Variants in P2RY14 observed in about 807,000 individuals in gnomAD.
The protein encoded by P2RY14 is purinergic receptor P2Y14.
A neutral mutation model predicts 0.9 loss-of-function variants in P2RY14; 2 were observed. The observed-to-expected ratio is 2.16, with a 90% CI of 0.88 to 6.79. The LOEUF is 6.79. Ranked by LOEUF, P2RY14 falls within the 30% of genes most tolerant of loss-of-function variation. P2RY14 has a pLI of 0.05. For synonymous variants in P2RY14, 158 were observed against 147.2 expected (o/e 1.07, Z -0.53); for missense variants, 378 against 400.1 (o/e 0.94, Z 0.47).
At chr3:151,225,848 T>A (rs1450652779) in intron 1 of P2RY14, among the ~76,000 whole-genome samples, 2 of 152,250 alleles carry the variant, frequency 1.3e-5, no homozygotes, top group Non-Finnish European at 2.9e-5. Flanking sequence ...TGTCTTTTTC[T>A]CAGTTATTCT....
In P2RY14 at chr3:151,213,979, C is replaced by A; in HGVS notation, c.338G>T (p.Gly113Val). The A allele has an allele frequency of 6.2e-7, 1 of 1,613,972 alleles. No individual in the cohort carries two copies. Among genetic ancestry groups the A allele is most frequent in the Non-Finnish European group, 8.5e-7 (1 of 1,179,964 alleles). ...VNMYVSIVFF[G>V]LISFDRYYKI... ...ATAATATCTGTCAAAGCTGATGAGC[C>A]CAAAGAACACAATGCTGACGTACAT... The change falls in exon 3 of 3, where the codon GGG (glycine) becomes GTG (valine). Residue 113 changes from glycine (G) to valine (V), a missense_variant. Physicochemically the swap from Gly to Val is moderately radical, Grantham distance 109. Coordinates refer to ENST00000309170, the MANE Select transcript of P2RY14 (RefSeq NM_014879.4).
chr3:151,265,649 G>A (rs551920966), intron 1 of P2RY14, among the ~76,000 whole-genome samples: 40 of 152,286 alleles, frequency 2.6e-4, no homozygotes, highest in African/African-American at 8.9e-4. Context: ...GGAGGAATCT[G>A]AGTAGGTTTT....
chr3:151,224,308 T>C (rs1382105679), intron 1 of P2RY14, among the ~76,000 whole-genome samples: 3 of 152,220 alleles, frequency 2.0e-5, no homozygotes, highest in Non-Finnish European at 4.4e-5. Context: ...GATCTTTTTC[T>C]ATGAGATAAA....
rs1577100845 is a variant in P2RY14 at position 151,245,638 on chromosome 3, C to T, written c.-132-25996G>A. On this transcript the variant is annotated intron_variant, in intron 1 of 2. Coordinates refer to ENST00000309170, the MANE Select transcript of P2RY14 (RefSeq NM_014879.4). ...TGTATTTCAAAATAATAAGAGCTAT[C>T]TATGACAAACCCACAGCCAATATCA... Among the ~76,000 whole-genome samples the T allele has an allele frequency of 2.7e-5, 4 of 146,180 alleles. No individual in the cohort carries two copies. The South Asian group carries it at 6.9e-4, about 25-fold the overall frequency.
chr3:151,222,989 T>C (rs1729686783), intron 1 of P2RY14, among the ~76,000 whole-genome samples: 2 of 152,116 alleles, frequency 1.3e-5, no homozygotes, highest in Admixed American at 1.3e-4. Flanking sequence ...ATTTGAGAGG[T>C]GGCGATTGTG....
chr3:151,241,774 G>A (rs1334328857), intron 1 of P2RY14: 1 of 152,684 alleles, frequency 6.5e-6, no homozygotes, highest in African/African-American at 2.4e-5. Flanking sequence ...AATGAATTAG[G>A]GGAGGAGCCA....
At chr3:151,230,472 A>G (rs1490837287) in intron 1 of P2RY14, among the ~76,000 whole-genome samples, 1 of 152,162 alleles carries the variant, frequency 6.6e-6, no homozygotes, top group East Asian at 1.9e-4. Flanking sequence ...AAATTCTGAT[A>G]AACACTCCTT....
At chr3:151,246,935 C>G (rs1217858335) in intron 1 of P2RY14, among the ~76,000 whole-genome samples, 1 of 152,078 alleles carries the variant, frequency 6.6e-6, no homozygotes, top group African/African-American at 2.4e-5. Flanking sequence ...AAAAAACAAA[C>G]AACCCCATCA....
chr3:151,246,331 G>C (rs1735462812), intron 1 of P2RY14, among the ~76,000 whole-genome samples: 1 of 152,042 alleles, frequency 6.6e-6, no homozygotes, highest in African/African-American at 2.4e-5. Flanking sequence ...TAAGCCAAAA[G>C]AACAAAGCTG....
intron 1 of P2RY14, among the ~76,000 whole-genome samples, chr3:151,223,379 A>G (rs1729800441): frequency 6.6e-6 from 1 of 152,178 alleles, no homozygotes; most frequent in African/African-American, 2.4e-5. Context: ...TACCAAAAAG[A>G]CACCTTCATT....
At chr3:151,265,316 C>G (rs1229143401) in intron 1 of P2RY14, among the ~76,000 whole-genome samples, 1 of 152,050 alleles carries the variant, frequency 6.6e-6, no homozygotes. Flanking sequence ...TTAAAGAGAT[C>G]AGGAAAATAA....
intron 1 of P2RY14, among the ~76,000 whole-genome samples, chr3:151,236,316 A>G (rs916434286): frequency 3.9e-5 from 6 of 152,246 alleles, no homozygotes; most frequent in East Asian, 1.9e-4. Flanking sequence ...TGCCACTTCA[A>G]TGTGCATAGT....
At chr3:151,240,014 G>C (rs1733750849) in intron 1 of P2RY14, among the ~76,000 whole-genome samples, 1 of 146,820 alleles carries the variant, frequency 6.8e-6, no homozygotes, top group Admixed American at 7.0e-5. Flanking sequence ...CAAACAGGAA[G>C]TAATCCTGAT....
At chr3:151,242,275 G>A (rs1201390054) in intron 1 of P2RY14, among the ~76,000 whole-genome samples, 3 of 152,250 alleles carry the variant, frequency 2.0e-5, no homozygotes, top group Admixed American at 1.3e-4. Context: ...GCCCACCACA[G>A]CTCAAGGAGG....
intron 1 of P2RY14, among the ~76,000 whole-genome samples, chr3:151,251,213 C>G (rs1736786699): frequency 6.6e-6 from 1 of 152,166 alleles, no homozygotes; most frequent in Non-Finnish European, 1.5e-5. Flanking sequence ...CCTTGCACCT[C>G]TGTACACTGT....
chr3:151,219,986 G>C (rs1251229908), intron 1 of P2RY14, among the ~76,000 whole-genome samples: 6 of 146,320 alleles, frequency 4.1e-5, no homozygotes, highest in Non-Finnish European at 7.4e-5. Context: ...AAGTCTAATT[G>C]CAGGTGGATT....
chr3:151,222,223 A>G (rs889157666), intron 1 of P2RY14, among the ~76,000 whole-genome samples: 1 of 152,240 alleles, frequency 6.6e-6, no homozygotes, highest in Non-Finnish European at 1.5e-5. Flanking sequence ...TTACAGGCTC[A>G]TAGGCGGAAG....
chr3:151,224,446 C>CT (rs80099332), intron 1 of P2RY14, among the ~76,000 whole-genome samples: 2,683 of 143,130 alleles, frequency 0.019, 38 homozygotes, highest in African/African-American at 0.034. Context: ...ATGTTTAACA[C>CT]TTTTTTTTTT....
chr3:151,238,285 T>A (rs1733348097), intron 1 of P2RY14, among the ~76,000 whole-genome samples: 1 of 152,218 alleles, frequency 6.6e-6, no homozygotes, highest in South Asian at 2.1e-4. Flanking sequence ...TAGCTGGGAC[T>A]ACAGGCACCT....
Sources: gnomAD v4.1 joint callset for allele counts (sites outside exome capture counted in the v4.1 genomes callset) on GRCh38, gnomAD v4.1.1 for gene constraint, MANE v1.5 for transcripts, NCBI Gene and HGNC (gene_info 2026-07-23, HGNC 2026-07-21) for gene names.